Variants in AP1B1 observed in about 807,000 individuals in gnomAD.
AP1B1 encodes the protein AP-1 complex subunit beta-1.
In AP1B1, 36 loss-of-function variants were observed where a neutral mutation model predicts 104.3. The ratio of observed to expected loss-of-function variants is 0.35; its 90% confidence interval spans 0.26 to 0.46. The LOEUF (loss-of-function observed/expected upper bound fraction) is 0.46. AP1B1 is among the 20% of genes least tolerant of loss of function. AP1B1 has a pLI of 1.00. For synonymous variants in AP1B1, 504 were observed against 517.5 expected, an observed-to-expected ratio of 0.97 and a Z score of 0.35; for missense variants, 901 against 1,247.9, an observed-to-expected ratio of 0.72 and a Z score of 4.19.
intron 14 of AP1B1, among the ~76,000 whole-genome samples, 157 bp downstream of exon 14, chr22:29,340,499 T>C (rs1392358265): frequency 6.6e-6 from 1 of 152,144 alleles, no homozygotes; most frequent in African/African-American, 2.4e-5. Context: ...TTTCTCATCA[T>C]AAGTAGGGAG....
intron 1 of AP1B1, among the ~76,000 whole-genome samples, chr22:29,387,922 GTGTCTCCATTCAGTTAAC>G (rs2062556570): frequency 6.6e-6 from 1 of 152,194 alleles, no homozygotes; most frequent in South Asian, 2.1e-4. Flanking sequence ...ATTATCACCG[GTGTCTCCATTCAGTTAAC>G]TTGTCTTAGA....
Position 29,349,204 on chromosome 22 carries a change from G to C in AP1B1, c.1437+14C>G. 6.2e-7 allele frequency: 1 copy of C among 1,610,830 alleles called. No individual in the cohort carries two copies. Among genetic ancestry groups the C allele is most frequent in the Non-Finnish European group, 8.5e-7 (1 of 1,179,812 alleles). ...CCAGTCATGACTCACACCCTGGCCA[G>C]CTCGCTGGCTCACCTGTGTGCTCTC... On this transcript the variant is annotated intron_variant, in intron 11 of 22. Coordinates refer to ENST00000357586, the MANE Select transcript of AP1B1 (RefSeq NM_001127.4).
At position 29,331,532 on chromosome 22, in the gene AP1B1, A is replaced by T; in HGVS notation, c.2441T>A (p.Val814Glu). Residue 814 changes from valine to glutamate, a missense_variant and splice_region_variant, in exon 19 of 23, where the codon GTG becomes GAG. Physicochemically the swap from Val to Glu is moderately radical, Grantham distance 121. This residue lies in a region of AP1B1 where 424 missense variants were observed against 494.0 expected (regional missense o/e 0.86). Transcript: ENST00000357586. ...MKMEPLNNLQ[V>E]AVKNNIDVFY... ...GACATCGATGTTGTTCTTCACGGCC[A>T]CCTAGGCACAAGGGGGTCCCCAGTC... The T allele has an allele frequency of 1.2e-6, 2 of 1,614,122 alleles. No individual in the cohort carries two copies. The highest frequency in any genetic ancestry group is 1.7e-6 in the Non-Finnish European group (2 of 1,180,028).
intron 2 of AP1B1, among the ~76,000 whole-genome samples, chr22:29,363,606 C>T (rs2062085432): frequency 6.6e-6 from 1 of 151,760 alleles, no homozygotes; most frequent in African/African-American, 2.4e-5. Context: ...CAAGATGGCG[C>T]CACTGCACTC....
chr22:29,371,685 G>A (rs1602788674), intron 1 of AP1B1, among the ~76,000 whole-genome samples: 2 of 151,972 alleles, frequency 1.3e-5, no homozygotes, highest in African/African-American at 2.4e-5. Context: ...CAGAGATCGC[G>A]CCACTGCACT....
In AP1B1 at chr22:29,356,472, C is replaced by G; in HGVS notation, c.670G>C (p.Asp224His). ...CTEWGQIFIL[D>H]CLANYMPKDD... is the part of the protein sequence containing the mutation. Reference sequence around the variant, plus strand: ...TTGGGCATATAGTTGGCGAGGCAGTCCAGGATGAAGATCTGGCCCCACTCG... The same window carrying G: ...TTGGGCATATAGTTGGCGAGGCAGTGCAGGATGAAGATCTGGCCCCACTCG... Residue 224 changes from aspartate to histidine, a missense_variant, in exon 6 of 23, where the codon GAC becomes CAC. Coordinates refer to ENST00000357586, the MANE Select transcript of AP1B1 (RefSeq NM_001127.4). 6.2e-7 allele frequency: 1 copy of G among 1,614,184 alleles called. No individual in the cohort carries two copies. The highest frequency in any genetic ancestry group is 8.5e-7 in the Non-Finnish European group (1 of 1,180,026).
intron 4 of AP1B1, 66 bp downstream of exon 4, chr22:29,359,758 A>G: frequency 6.4e-7 from 1 of 1,553,664 alleles, no homozygotes; most frequent in Middle Eastern, 1.7e-4. Context: ...CCCCGCCCCA[A>G]AGAGACTGAG....
intron 1 of AP1B1, among the ~76,000 whole-genome samples, chr22:29,383,578 G>C (rs1331167359): frequency 6.6e-6 from 1 of 151,620 alleles, no homozygotes; most frequent in Non-Finnish European, 1.5e-5. Context: ...GCGTGGTGGC[G>C]GGCGCCTGTA....
At chr22:29,351,848 G>A (rs748528045) in intron 7 of AP1B1, 23 bp from the exon 8 acceptor site, 18 of 1,611,664 alleles carry the variant, frequency 1.1e-5, no homozygotes, top group Admixed American at 5.1e-5. Context: ...CAGGATGCCC[G>A]GAGAGCAAAA....
intron 22 of AP1B1, 200 bp from the exon 23 acceptor site, chr22:29,329,095 T>G: frequency 7.2e-7 from 1 of 1,383,286 alleles, no homozygotes; most frequent in Non-Finnish European, 9.4e-7. Flanking sequence ...CCAAATATAC[T>G]TGCAGCCCAC....
At position 29,328,309 on chromosome 22, in the gene AP1B1, C is replaced by T. The variant is rs912036929; in HGVS notation, c.*512G>A. ...CTCCTCCCAGCCTAGCTCTGCCCCT[C>T]TGCCGGCACCTACAGCTCCTTGAGC... On this transcript the variant is annotated 3_prime_UTR_variant, in exon 23 of 23. Coordinates refer to ENST00000357586, the MANE Select transcript of AP1B1 (RefSeq NM_001127.4). The surrounding 1 kb of genome is among the most constrained non-coding windows in gnomAD (Gnocchi z 4.1). 1 of 154,318 alleles carries T rather than the reference C, an allele frequency of 6.5e-6. No individual in the cohort carries two copies. Among genetic ancestry groups the T allele is most frequent in the African/African-American group, 2.4e-5 (1 of 41,464 alleles). The allele number at this position is 154,318 out of a possible 1,614,324, so 9.6% of individuals were successfully genotyped here. A position where few individuals can be genotyped will look rare whatever the true frequency, so the allele number is the denominator to read the frequency against.
intron 1 of AP1B1, among the ~76,000 whole-genome samples, chr22:29,385,632 C>G (rs2062510072): frequency 6.6e-6 from 1 of 152,186 alleles, no homozygotes; most frequent in African/African-American, 2.4e-5. Flanking sequence ...GACATTTTTT[C>G]TCAGGAGTAT....
In AP1B1 at chr22:29,354,702, G is replaced by A. The variant is rs1242453909; in HGVS notation, c.886C>T (p.Pro296Ser). 4 of 1,613,974 alleles carry A rather than the reference G, an allele frequency of 2.5e-6. No homozygotes were observed. In the African/African-American group the frequency reaches 5.3e-5, roughly 22 times the overall value. ...CGCAGGGCCACATACTGCAGCTCTG[G>A]CTCGGCTGACAGCAGTGTGACCAGG... ...PPLVTLLSAE[P>S]ELQYVALRNI... The change falls in exon 7 of 23, where the codon CCA (proline) becomes TCA (serine). Residue 296 changes from proline (P) to serine (S), a missense_variant. By Grantham distance (74) the Pro-to-Ser change is moderately conservative (BLOSUM62 -1). This residue lies in a region of AP1B1 where 471 missense variants were observed against 696.7 expected (regional missense o/e 0.68). Coordinates refer to ENST00000357586, the MANE Select transcript of AP1B1 (RefSeq NM_001127.4).
At chr22:29,334,473 GC>G (rs943594500) in intron 16 of AP1B1, 63 bp from the exon 17 acceptor site, 1 of 1,520,164 alleles carries the variant, frequency 6.6e-7, no homozygotes, top group African/African-American at 1.4e-5. Flanking sequence ...AAACTCAACA[GC>G]CCACCTGAGG....
intron 7 of AP1B1, among the ~76,000 whole-genome samples, chr22:29,352,829 G>A (rs998615925): frequency 6.6e-6 from 1 of 152,164 alleles, no homozygotes; most frequent in Admixed American, 6.5e-5. Flanking sequence ...ACCTGAGCAT[G>A]AGGGTGGTCT....
At chr22:29,350,627 G>T in intron 9 of AP1B1, among the ~76,000 whole-genome samples, 1 of 152,108 alleles carries the variant, frequency 6.6e-6, no homozygotes, top group East Asian at 1.9e-4. Context: ...CGCCTCAAGG[G>T]GATAGGTCGG....
intron 1 of AP1B1, among the ~76,000 whole-genome samples, chr22:29,384,489 C>G (rs1236826547): frequency 6.6e-6 from 1 of 152,212 alleles, no homozygotes; most frequent in Non-Finnish European, 1.5e-5. Flanking sequence ...TTCACTCATT[C>G]AACACCTGCT....
At chr22:29,344,053 T>C (rs1271541991) in intron 11 of AP1B1, among the ~76,000 whole-genome samples, 2 of 148,176 alleles carry the variant, frequency 1.3e-5, no homozygotes, top group Non-Finnish European at 3.0e-5. Flanking sequence ...GAGGTTGCAG[T>C]GAGCCGAGGT....
intron 5 of AP1B1, among the ~76,000 whole-genome samples, chr22:29,358,301 A>C (rs888112166): frequency 2.0e-5 from 3 of 152,192 alleles, no homozygotes; most frequent in African/African-American, 7.2e-5. Context: ...AGATGGGGGA[A>C]GGGAAAAGCA....
Sources: gnomAD v4.1 joint callset for allele counts (sites outside exome capture counted in the v4.1 genomes callset) on GRCh38, gnomAD v4.1.1 for gene constraint, gnomAD v4.1.1 regional missense constraint, Gnocchi (gnomAD v3.1) non-coding constraint, MANE v1.5 for transcripts, NCBI Gene and HGNC (gene_info 2026-07-23, HGNC 2026-07-21) for gene names.